TBPL1: variants seen among roughly 807,000 people sequenced by gnomAD.
TBPL1 encodes the protein TATA box-binding protein-like 1.
Under a neutral mutation model 22.1 loss-of-function variants are expected in TBPL1, and 4 were observed. The ratio of observed to expected loss-of-function variants is 0.18; its 90% CI spans 0.09 to 0.41. TBPL1 has a LOEUF of 0.41. TBPL1 is among the 10% of genes least tolerant of loss of function. The pLI, the probability that TBPL1 is intolerant of heterozygous loss-of-function variation, is 1.00. For missense variants in TBPL1, 115 were observed against 222.3 expected (o/e 0.52, Z 3.07); for synonymous variants, 64 against 71.0 (o/e 0.90, Z 0.50).
Position 133,977,344 on chromosome 6 carries a change from T to C in TBPL1, c.-44-2738T>C, listed in dbSNP as rs1582578988. 3.3e-5 allele frequency among the ~76,000 whole-genome samples: 5 copies of C among 152,354 alleles called. No homozygotes were observed. The South Asian group carries it at 1.0e-3, about 32-fold the overall frequency. On this transcript the variant is annotated intron_variant, in intron 1 of 6. Coordinates refer to ENST00000237264, the MANE Select transcript of TBPL1 (RefSeq NM_004865.4). ...TTCCCATGACCTTATTTTTAAAATT[T>C]AAGTTGCTGAAATGATGAAAAATCA...
intron 1 of TBPL1, among the ~76,000 whole-genome samples, chr6:133,965,157 G>C (rs1256545839): frequency 6.6e-6 from 1 of 152,090 alleles, no homozygotes; most frequent in Non-Finnish European, 1.5e-5. Flanking sequence ...AAATTATGCT[G>C]TTTTGTTAGC....
intron 1 of TBPL1, among the ~76,000 whole-genome samples, chr6:133,956,548 AG>A (rs1439204804): frequency 1.3e-5 from 2 of 148,616 alleles, no homozygotes; most frequent in African/African-American, 5.2e-5. Context: ...CTTGAGGATC[AG>A]GAGTATGAGT....
intron 1 of TBPL1, among the ~76,000 whole-genome samples, chr6:133,978,665 A>G (rs1330097907): frequency 6.6e-6 from 1 of 152,216 alleles, no homozygotes; most frequent in African/African-American, 2.4e-5. Context: ...GTGAAAAAAT[A>G]TAATGAAGTT....
chr6:133,965,310 A>T (rs1459526165), intron 1 of TBPL1, among the ~76,000 whole-genome samples: 2 of 152,200 alleles, frequency 1.3e-5, no homozygotes, highest in Non-Finnish European at 2.9e-5. Flanking sequence ...GGCACATATA[A>T]GACCTGCTCA....
chr6:133,957,062 A>G (rs923710036), intron 1 of TBPL1, among the ~76,000 whole-genome samples: 1 of 152,256 alleles, frequency 6.6e-6, no homozygotes, highest in Admixed American at 6.5e-5. Context: ...ATCAGGTCAC[A>G]TCAGAAATTC....
intron 1 of TBPL1, among the ~76,000 whole-genome samples, chr6:133,959,071 ACT>A (rs894757861): frequency 2.6e-5 from 4 of 151,892 alleles, no homozygotes; most frequent in Admixed American, 2.6e-4. Context: ...ACAGAGTCTC[ACT>A]CTGTCACCCA....
At chr6:133,976,891 C>T (rs1366639580) in intron 1 of TBPL1, among the ~76,000 whole-genome samples, 1 of 151,598 alleles carries the variant, frequency 6.6e-6, no homozygotes, top group Non-Finnish European at 1.5e-5. Context: ...TTGCTTGAAT[C>T]CAGGAGGCGG....
intron 1 of TBPL1, 140 bp from the exon 2 acceptor site, chr6:133,979,942 C>T (rs1486477578): frequency 1.7e-5 from 11 of 646,540 alleles, no homozygotes; most frequent in Admixed American, 4.4e-5. Flanking sequence ...CCACTGTGCC[C>T]GGCCAGGGAC....
intron 1 of TBPL1, among the ~76,000 whole-genome samples, chr6:133,977,924 T>C (rs1776342626): frequency 6.6e-6 from 1 of 152,240 alleles, no homozygotes; most frequent in South Asian, 2.1e-4. Flanking sequence ...GAGCCCTTGC[T>C]GGCTTAGTTG....
At chr6:133,955,552 T>C (rs958078542) in intron 1 of TBPL1, among the ~76,000 whole-genome samples, 6 of 152,208 alleles carry the variant, frequency 3.9e-5, no homozygotes, top group South Asian at 4.1e-4. Flanking sequence ...TCATGTTAGA[T>C]GTTCTGTATT....
chr6:133,962,404 T>G (rs1776040103), intron 1 of TBPL1, among the ~76,000 whole-genome samples: 1 of 152,154 alleles, frequency 6.6e-6, no homozygotes, highest in Non-Finnish European at 1.5e-5. Flanking sequence ...TTGCTTTGGA[T>G]GCAGAAAAGA....
chr6:133,959,464 G>A (rs1030086366), intron 1 of TBPL1, among the ~76,000 whole-genome samples: 3 of 152,018 alleles, frequency 2.0e-5, no homozygotes, highest in Non-Finnish European at 4.4e-5. Context: ...TTTCTCTAGT[G>A]TTCTTTCTTT....
At chr6:133,978,929 G>C (rs896170753) in intron 1 of TBPL1, among the ~76,000 whole-genome samples, 1 of 152,088 alleles carries the variant, frequency 6.6e-6, no homozygotes, top group Non-Finnish European at 1.5e-5. Flanking sequence ...ATCATTTTCT[G>C]ATCTTTTTGT....
intron 1 of TBPL1, among the ~76,000 whole-genome samples, chr6:133,963,148 CAA>C (rs1776053199): frequency 6.6e-6 from 1 of 152,132 alleles, no homozygotes. Context: ...GTTTGGGAAA[CAA>C]GGGATGGTAA....
Position 133,973,300 on chromosome 6 carries a change from C to A in TBPL1, c.-44-6782C>A, listed in dbSNP as rs113145363. Among the ~76,000 whole-genome samples the A allele has an allele frequency of 4.8e-3, 738 of 152,296 alleles. 5 individuals are homozygous for A. The highest frequency in any genetic ancestry group is 0.031 in the Middle Eastern group (9 of 294). On this transcript the variant is annotated intron_variant, in intron 1 of 6. Transcript: ENST00000237264. ...CAGTCCTCCCCTGCTTCTGCCATTT[C>A]TTAGATCATAGATGGTAATTTTGTG... is the stretch of plus-strand genomic sequence containing the variant.
chr6:133,959,399 C>G (rs1043407655), intron 1 of TBPL1, among the ~76,000 whole-genome samples: 2 of 152,078 alleles, frequency 1.3e-5, no homozygotes, highest in African/African-American at 4.8e-5. Context: ...GTACTATAGT[C>G]CACAATAAAA....
chr6:133,981,557 A>C (rs1245845237), intron 2 of TBPL1, among the ~76,000 whole-genome samples: 1 of 152,226 alleles, frequency 6.6e-6, no homozygotes, highest in Non-Finnish European at 1.5e-5. Flanking sequence ...GGATAAACTC[A>C]GTCAAGTGTT....
intron 1 of TBPL1, among the ~76,000 whole-genome samples, chr6:133,978,457 G>A (rs184151289): frequency 3.2e-4 from 49 of 152,268 alleles, no homozygotes; most frequent in Non-Finnish European, 5.6e-4. Flanking sequence ...GACATTGCAC[G>A]TGCTTAAGAC....
rs1775869760 is a variant in TBPL1 at position 133,953,313 on chromosome 6, G to C, written c.-157G>C. 6.6e-6 allele frequency: 1 copy of C among 152,668 alleles called. No individual in the cohort carries two copies. The highest frequency in any genetic ancestry group is 2.4e-5 in the African/African-American group (1 of 41,460). 9.5% of individuals were successfully genotyped at this position (152,668 alleles called of 1,614,324 possible). ...CCGGGGCGGGAGTTCCATGGAGACT[G>C]GGGAGCGCGCCCGTCTCATCCTCAT... On this transcript the variant is annotated 5_prime_UTR_variant, in exon 1 of 7. Transcript: ENST00000237264.
Sources: allele counts gnomAD v4.1 joint callset (sites outside exome capture counted in the v4.1 genomes callset), GRCh38; gene constraint gnomAD v4.1.1; transcripts MANE v1.5; gene names NCBI Gene and HGNC (gene_info 2026-07-23, HGNC 2026-07-21).